The following GABRA3 variants were observed in gnomAD, a reference collection of about 807,000 sequenced individuals.
The protein encoded by GABRA3 is gamma-aminobutyric acid type A receptor subunit alpha3, also known as gamma-aminobutyric acid receptor subunit alpha-3.
In GABRA3, 10 loss-of-function variants were observed where a neutral mutation model predicts 30.1. The observed-to-expected ratio is 0.33, with a 90% CI of 0.20 to 0.56. The LOEUF (loss-of-function observed/expected upper bound fraction) is 0.56, where lower values mean the gene tolerates loss of function less well. Ranked by LOEUF, GABRA3 falls within the 20% of genes least tolerant of loss-of-function variation. GABRA3 has a pLI of 0.89. For missense variants in GABRA3, 233 were observed against 392.0 expected (o/e 0.59, Z 3.42); for synonymous variants, 151 against 146.8 (o/e 1.03, Z -0.21).
At chrX:152,222,599 C>T (rs944366138) in intron 6 of GABRA3, among the ~76,000 whole-genome samples, 1 of 109,314 alleles carries the variant, frequency 9.1e-6, no homozygotes, top group African/African-American at 3.3e-5. Context: ...GTCTCATGGG[C>T]CTGCCTATTC....
At chrX:152,368,197 A>C (rs752554126) in intron 1 of GABRA3, among the ~76,000 whole-genome samples, 1 of 111,688 alleles carries the variant, frequency 9.0e-6, no homozygotes, top group African/African-American at 3.3e-5. Flanking sequence ...TTATATTATT[A>C]ACTCTAGTCA....
chrX:152,199,193 C>A (rs768692752), intron 7 of GABRA3, among the ~76,000 whole-genome samples: 1 of 108,760 alleles, frequency 9.2e-6, no homozygotes, highest in African/African-American at 3.3e-5. Flanking sequence ...GGTGAAACCC[C>A]ATCTCTACTA....
chrX:152,398,621 A>C (rs1320097284), intron 1 of GABRA3, among the ~76,000 whole-genome samples: 2 of 112,340 alleles, frequency 1.8e-5, no homozygotes, highest in Non-Finnish European at 3.8e-5. Context: ...TAAAAAGTAC[A>C]GAAGTTTTGA....
chrX:152,235,223 T>C (rs1392727542), intron 5 of GABRA3, among the ~76,000 whole-genome samples: 1 of 111,897 alleles, frequency 8.9e-6, no homozygotes, highest in Non-Finnish European at 1.9e-5. Flanking sequence ...TTTGTAGCTA[T>C]TGTAAATGAG....
intron 1 of GABRA3, among the ~76,000 whole-genome samples, chrX:152,440,479 G>A (rs1322283220): frequency 3.6e-5 from 4 of 111,968 alleles, no homozygotes; most frequent in African/African-American, 9.7e-5. Context: ...CAATGATCTC[G>A]AACTAGAAAT....
At chrX:152,212,308 AAAAAAAAAAAAAAAAAAAAAAAAT>A (rs781495358) in intron 6 of GABRA3, among the ~76,000 whole-genome samples, 1,441 of 81,638 alleles carry the variant, frequency 0.018, 52 homozygotes, top group Non-Finnish European at 0.028. Flanking sequence ...AAAAAAAAAA[AAAAAAAAAAAAAAAAAAAAAAAAT>A]TCCAAATTGC....
chrX:152,237,839 T>C (rs1269879392), intron 5 of GABRA3, among the ~76,000 whole-genome samples: 1 of 109,256 alleles, frequency 9.2e-6, no homozygotes, highest in Non-Finnish European at 1.9e-5. Context: ...TGTACATTGA[T>C]TTTGTATCCT....
chrX:152,251,103 T>G (rs1303971482), intron 5 of GABRA3: 1 of 332,213 alleles, frequency 3.0e-6, no homozygotes, highest in Non-Finnish European at 6.0e-6. Flanking sequence ...CCCACCTTCC[T>G]GGATCCAAGG....
intron 1 of GABRA3, among the ~76,000 whole-genome samples, chrX:152,383,107 C>A (rs1306193311): frequency 9.1e-6 from 1 of 109,495 alleles, no homozygotes; most frequent in Non-Finnish European, 1.9e-5. Context: ...TACAGGCCAG[C>A]CAGGCATGGT....
intron 3 of GABRA3, among the ~76,000 whole-genome samples, chrX:152,322,844 CTTTTTTTTTTTTT>C (rs1172827692): frequency 1.6e-5 from 1 of 61,261 alleles, no homozygotes; most frequent in Non-Finnish European, 2.9e-5. Flanking sequence ...AAAGTCTACT[CTTTTTTTTTTTTT>C]TTTTTTTTTT....
At position 152,168,378 on chromosome X, in the gene GABRA3, C is replaced by G. The variant is rs747657802; in HGVS notation, c.1329G>C (p.Pro443=). The change falls in exon 10 of 10, where the codon CCG becomes CCC. Residue 443 remains proline (P), a synonymous_variant. Coordinates refer to ENST00000370314, the MANE Select transcript of GABRA3 (RefSeq NM_000808.4). Reference sequence around the variant, plus strand: ...CACTGTTGTAGGTCTTGGTCTCAGTCGGGCTGTCCTGCACGTAGGTGGCCT... The same window carrying G: ...CACTGTTGTAGGTCTTGGTCTCAGTGGGGCTGTCCTGCACGTAGGTGGCCT... ...SPKATYVQDS[P]TETKTYNSVS... The G allele has an allele frequency of 1.4e-5, 17 of 1,210,275 alleles. No homozygotes were observed. The highest frequency in any genetic ancestry group is 8.7e-5 in the Admixed American group (4 of 45,807).
chrX:152,199,120 A>C (rs1937431101), intron 7 of GABRA3, among the ~76,000 whole-genome samples: 1 of 111,451 alleles, frequency 9.0e-6, no homozygotes. Context: ...TAATCCCAGC[A>C]CTTTGGGAGG....
chrX:152,439,118 TTTATTA>T (rs201046876), intron 1 of GABRA3, among the ~76,000 whole-genome samples: 1 of 106,550 alleles, frequency 9.4e-6, no homozygotes, highest in African/African-American at 3.5e-5. Flanking sequence ...TAAAATAAAG[TTTATTA>T]TTATTATTAT....
chrX:152,253,940 C>T (rs1410181280), intron 5 of GABRA3, among the ~76,000 whole-genome samples: 1 of 111,868 alleles, frequency 8.9e-6, no homozygotes, highest in Non-Finnish European at 1.9e-5. Flanking sequence ...GGACTCTTCT[C>T]TCAACCTGTC....
chrX:152,418,274 G>T (rs1210757684), intron 1 of GABRA3, among the ~76,000 whole-genome samples: 2 of 111,381 alleles, frequency 1.8e-5, no homozygotes, highest in Non-Finnish European at 3.8e-5. Context: ...AAAATTTACT[G>T]TTGAATGGGC....
intron 5 of GABRA3, among the ~76,000 whole-genome samples, chrX:152,233,156 G>A (rs59966763): frequency 9.7e-6 from 1 of 103,492 alleles, no homozygotes; most frequent in Non-Finnish European, 2.0e-5. Flanking sequence ...GGGGTTGTTT[G>A]TTTTTTTTTT....
chrX:152,242,907 T>C (rs1274782892), intron 5 of GABRA3, among the ~76,000 whole-genome samples: 2 of 112,333 alleles, frequency 1.8e-5, no homozygotes, highest in African/African-American at 3.2e-5. Flanking sequence ...TGAAGAAATA[T>C]CTGCATTTTC....
At chrX:152,302,379 T>C (rs1211847841) in intron 3 of GABRA3, among the ~76,000 whole-genome samples, 1 of 111,567 alleles carries the variant, frequency 9.0e-6, no homozygotes, top group Non-Finnish European at 1.9e-5. Context: ...ATTCAAAAGA[T>C]AGATTTGGTG....
intron 3 of GABRA3, among the ~76,000 whole-genome samples, chrX:152,306,625 CT>C (rs1939724228): frequency 9.0e-6 from 1 of 111,520 alleles, no homozygotes; most frequent in South Asian, 3.8e-4. Flanking sequence ...AATCAGACAT[CT>C]TTACTTTGCA....
Sources: allele counts gnomAD v4.1 joint callset (sites outside exome capture counted in the v4.1 genomes callset), GRCh38; gene constraint gnomAD v4.1.1; transcripts MANE v1.5; gene names NCBI Gene and HGNC (gene_info 2026-07-23, HGNC 2026-07-21).